RIPOR3: variants seen among roughly 807,000 people sequenced by gnomAD.
RIPOR3 encodes the protein family with sequence similarity 65 member C.
RIPOR3 carries 95 observed loss-of-function variants against 114.3 expected under a neutral mutation model. The observed-to-expected ratio is 0.83, with a 90% CI of 0.70 to 0.99. RIPOR3 has a LOEUF of 0.99. Ranked by LOEUF, RIPOR3 falls within the 50% of genes least tolerant of loss-of-function variation. The probability of loss-of-function intolerance (pLI) is 0.00; values close to 1 mark genes in which losing one functional copy is unlikely to be tolerated. For synonymous variants in RIPOR3, 575 were observed against 543.8 expected (o/e 1.06, Z -0.80); for missense variants, 1,252 against 1,266.9 (o/e 0.99, Z 0.18).
intron 13 of RIPOR3, among the ~76,000 whole-genome samples, chr20:50,601,114 G>A (rs1182374580): frequency 6.6e-6 from 1 of 152,190 alleles, no homozygotes; most frequent in Non-Finnish European, 1.5e-5. Flanking sequence ...GGGCCTGCCG[G>A]GGCCAGGTGG....
intron 1 of RIPOR3, among the ~76,000 whole-genome samples, chr20:50,684,400 C>T (rs1204547916): frequency 6.6e-6 from 1 of 152,158 alleles, no homozygotes; most frequent in Non-Finnish European, 1.5e-5. Context: ...CTGTGCCCGA[C>T]CTCAAGAACA....
intron 3 of RIPOR3, among the ~76,000 whole-genome samples, chr20:50,616,908 C>T (rs1051639883): frequency 1.1e-4 from 16 of 152,130 alleles, no homozygotes; most frequent in African/African-American, 1.7e-4. Context: ...TTTGGGAGGC[C>T]GAGGTGGGCG....
chr20:50,686,799 C>A (rs1007382043), intron 1 of RIPOR3, among the ~76,000 whole-genome samples: 22 of 151,780 alleles, frequency 1.4e-4, no homozygotes, highest in African/African-American at 4.8e-4. Flanking sequence ...TTTTAGTTCT[C>A]TTTTAAACTG....
chr20:50,654,155 G>C (rs1251978045), intron 1 of RIPOR3, among the ~76,000 whole-genome samples: 2 of 151,936 alleles, frequency 1.3e-5, no homozygotes, highest in Non-Finnish European at 2.9e-5. Context: ...TAGGAAGCAG[G>C]GTTTTTTCTT....
chr20:50,597,745 C>G (rs199785260), intron 13 of RIPOR3, 35 bp from the exon 14 acceptor site: 1 of 1,603,548 alleles, frequency 6.2e-7, no homozygotes. Context: ...AGGGCAACAC[C>G]GGGCCCCACC....
In RIPOR3 at chr20:50,602,237, C is replaced by G. The variant is rs759898087; in HGVS notation, c.1494G>C (p.Gln498His). 18 of 1,613,816 alleles carry G rather than the reference C, an allele frequency of 1.1e-5. No individual in the cohort carries two copies. Among genetic ancestry groups the G allele is most frequent in the Non-Finnish European group, 1.7e-6 (2 of 1,179,976 alleles). The change falls in exon 13 of 22, where the codon CAG (glutamine) becomes CAC (histidine). Residue 498 changes from glutamine to histidine, a missense_variant. By Grantham distance (24) the Gln-to-His change is conservative. Transcript: ENST00000327979. The surrounding 1 kb of genome is among the most constrained non-coding windows in gnomAD (Gnocchi z 4.3). ...LFHSGTASSSQNGHEEGATGD... is the reference protein window; with the variant it reads ...LFHSGTASSSHNGHEEGATGD... ...CGGTTGCCCCTTCCTCGTGGCCGTT[C>G]TGGCTACTCGAGGCTGTGCCGCTGT...
At chr20:50,666,285 C>T (rs1291919083) in intron 1 of RIPOR3, among the ~76,000 whole-genome samples, 3 of 136,856 alleles carry the variant, frequency 2.2e-5, no homozygotes, top group African/African-American at 5.6e-5. Flanking sequence ...AGTGCAGTGG[C>T]GCAATCTCGG....
At chr20:50,601,971 G>C in intron 13 of RIPOR3, 101 bp downstream of exon 13, 2 of 1,198,914 alleles carry the variant, frequency 1.7e-6, no homozygotes, top group Non-Finnish European at 2.3e-6. Context: ...CAGAGGTGAG[G>C]CCAGGATGTC....
rs116213950 is a variant in RIPOR3 at position 50,654,539 on chromosome 20, C to T, written c.4-23683G>A. 2.2e-3 allele frequency among the ~76,000 whole-genome samples: 322 copies of T among 144,982 alleles called. 1 individual carries two copies. Among genetic ancestry groups the T allele is most frequent in the African/African-American group, 7.8e-3 (309 of 39,646 alleles). ...TCCCAGGAGGCAGAGTTTTTGTCTG[C>T]GTGGTTCACTGCTAAGTCCCCAGCA... On this transcript the variant is annotated intron_variant, in intron 1 of 21. Transcript: ENST00000327979.
intron 1 of RIPOR3, among the ~76,000 whole-genome samples, chr20:50,638,968 G>A (rs1167180574): frequency 2.0e-5 from 3 of 152,162 alleles, no homozygotes; most frequent in South Asian, 4.1e-4. Context: ...CAGGCCGGGC[G>A]CAGTGGCTCA....
chr20:50,675,861 C>T (rs1434267297), intron 1 of RIPOR3, among the ~76,000 whole-genome samples: 7 of 152,212 alleles, frequency 4.6e-5, no homozygotes, highest in Admixed American at 1.3e-4. Flanking sequence ...GCATTCAGGG[C>T]AAGTCGAACG....
At chr20:50,684,481 G>A (rs4809806) in intron 1 of RIPOR3, among the ~76,000 whole-genome samples, 100,724 of 151,892 alleles carry the variant, frequency 0.66, 34,431 homozygotes, top group Middle Eastern at 0.75. Context: ...CTTGTGGGCC[G>A]TGATGAGGAC....
intron 13 of RIPOR3, among the ~76,000 whole-genome samples, chr20:50,599,903 CT>C (rs10639593): frequency 1.1e-4 from 17 of 151,570 alleles, no homozygotes; most frequent in African/African-American, 3.9e-4. Flanking sequence ...CACACACACA[CT>C]TTTTTTTCTT....
At chr20:50,667,806 G>T (rs896440419) in intron 1 of RIPOR3, among the ~76,000 whole-genome samples, 2 of 152,178 alleles carry the variant, frequency 1.3e-5, no homozygotes, top group African/African-American at 2.4e-5. Flanking sequence ...AGTAGCAAAG[G>T]CTTTGAGATC....
chr20:50,616,661 AG>A (rs1357641650), intron 3 of RIPOR3, among the ~76,000 whole-genome samples: 1 of 152,096 alleles, frequency 6.6e-6, no homozygotes, highest in Non-Finnish European at 1.5e-5. Context: ...TGCATTTTAA[AG>A]ATAGACAAAC....
intron 1 of RIPOR3, among the ~76,000 whole-genome samples, chr20:50,666,223 T>TTTTTTC (rs2086229109): frequency 9.5e-6 from 1 of 105,010 alleles, no homozygotes; most frequent in Non-Finnish European, 2.0e-5. Flanking sequence ...TTTTCTTTTC[T>TTTTTTC]TTTTTGAGAC....
chr20:50,686,424 G>A (rs17726420), intron 1 of RIPOR3, among the ~76,000 whole-genome samples: 6,062 of 152,074 alleles, frequency 0.04, 182 homozygotes, highest in South Asian at 0.098. Context: ...AAACTCAGGC[G>A]CGCCCTTCCT....
At chr20:50,679,974 A>C (rs1568966119) in intron 1 of RIPOR3, among the ~76,000 whole-genome samples, 1 of 152,084 alleles carries the variant, frequency 6.6e-6, no homozygotes, top group Non-Finnish European at 1.5e-5. Flanking sequence ...ACAGACAAAC[A>C]AACAGTAGAC....
Position 50,608,536 on chromosome 20 carries a change from TG to T in RIPOR3, c.811-3del, listed in dbSNP as rs764572093. ...GCCCAGGCCCCGCAACTCCGTCACC[TG>T]GGGGTGGGGGCTGGAGGGTGGTGTC... is the stretch of plus-strand genomic sequence containing the variant. On this transcript the variant is annotated splice_region_variant and splice_polypyrimidine_tract_variant and intron_variant, in intron 10 of 21. Coordinates refer to ENST00000327979, the MANE Select transcript of RIPOR3 (RefSeq NM_001290268.2). The T allele has an allele frequency of 5.0e-6, 8 of 1,613,562 alleles. No individual in the cohort carries two copies. Among genetic ancestry groups the T allele is most frequent in the East Asian group, 4.5e-5 (2 of 44,880 alleles).
Sources: gnomAD v4.1 joint callset for allele counts (sites outside exome capture counted in the v4.1 genomes callset) on GRCh38, gnomAD v4.1.1 for gene constraint, Gnocchi (gnomAD v3.1) non-coding constraint, MANE v1.5 for transcripts, NCBI Gene and HGNC (gene_info 2026-07-23, HGNC 2026-07-21) for gene names.